ACTN4: variants seen among roughly 807,000 people sequenced by gnomAD.
ACTN4 encodes alpha-actinin-4.
In ACTN4, 18 loss-of-function variants were observed where a neutral mutation model predicts 114.2. The observed-to-expected ratio is 0.16, with a 90% CI of 0.11 to 0.23. The LOEUF is 0.23. Among genes scored for constraint, ACTN4 ranks in the 10% least tolerant of loss-of-function variants. The pLI is 1.00. For synonymous variants in ACTN4, 515 were observed against 506.3 expected, an observed-to-expected ratio of 1.02 and a Z score of -0.23; for missense variants, 722 against 1,262.9, an observed-to-expected ratio of 0.57 and a Z score of 6.49.
rs1379252904 is a variant in ACTN4, at chr19:38,655,498, GTA to G, written c.162+7593_162+7594del. 2.6e-5 allele frequency among the ~76,000 whole-genome samples: 4 copies of G among 151,956 alleles called. No homozygotes were observed. In the East Asian group the frequency reaches 7.7e-4, roughly 29 times the overall value. On this transcript the variant is annotated intron_variant, in intron 1 of 20. Transcript: ENST00000252699. ...ATAACCCTTAAAATTTTCCATGTGT[GTA>G]TGTCACACTTGGGAAAAAAACTTGA...
chr19:38,664,674 A>C (rs1599768877), intron 1 of ACTN4, among the ~76,000 whole-genome samples: 1 of 152,154 alleles, frequency 6.6e-6, no homozygotes, highest in Admixed American at 6.5e-5. Context: ...GGAGCACTGC[A>C]GTGCCATGAA....
chr19:38,708,921 G>A (rs978036985), intron 6 of ACTN4, among the ~76,000 whole-genome samples: 9 of 152,210 alleles, frequency 5.9e-5, no homozygotes, highest in Admixed American at 2.6e-4. Context: ...GAGAGTTGGA[G>A]TGCAGTGGGC....
chr19:38,718,161 G>C, intron 11 of ACTN4, 87 bp downstream of exon 11: 1 of 1,545,900 alleles, frequency 6.5e-7, no homozygotes, highest in East Asian at 2.4e-5. Context: ...TGCACACACA[G>C]CCCCCTGCCA....
At position 38,689,546 on chromosome 19, in the gene ACTN4, A is replaced by G. The variant is rs149220249; in HGVS notation, c.163-11054A>G. 9.2e-5 allele frequency among the ~76,000 whole-genome samples: 14 copies of G among 152,058 alleles called. No individual in the cohort carries two copies. The East Asian group carries it at 2.7e-3, about 29-fold the overall frequency. On this transcript the variant is annotated intron_variant, in intron 1 of 20. Coordinates refer to ENST00000252699, the MANE Select transcript of ACTN4 (RefSeq NM_004924.6). ...ATAAGGTCTCACTGTCGCCCAGGCT[A>G]GAGTGCAGTGGCGCTGTCATAGCTC... is the stretch of plus-strand genomic sequence containing the variant.
At chr19:38,666,553 G>A (rs1966966680) in intron 1 of ACTN4, among the ~76,000 whole-genome samples, 3 of 152,220 alleles carry the variant, frequency 2.0e-5, no homozygotes, top group African/African-American at 7.2e-5. Flanking sequence ...CGTGCCAGGA[G>A]AACACGAAGT....
In ACTN4 at chr19:38,714,341, T is replaced by A. The variant is rs117968873; in HGVS notation, c.820-128T>A. On this transcript the variant is annotated intron_variant, in intron 8 of 20. Transcript: ENST00000252699. ...GGACAGGGCACCATCTCACTGGAGC[T>A]GTGCTTCCTCTCCTTCCCCTCTGTG... 0.041 allele frequency: 33,522 copies of A among 825,662 alleles called. 849 individuals are homozygous for A. The highest frequency in any genetic ancestry group is 0.055 in the Middle Eastern group (177 of 3,192). 51.1% of individuals were successfully genotyped at this position (825,662 alleles called of 1,614,324 possible). A position where few individuals can be genotyped will look rare whatever the true frequency, so the allele number is the denominator to read the frequency against.
chr19:38,672,868 C>T (rs147511884), intron 1 of ACTN4, among the ~76,000 whole-genome samples: 2,163 of 152,104 alleles, frequency 0.014, 59 homozygotes, highest in African/African-American at 0.048. Flanking sequence ...CCACCATGCC[C>T]GGCCCCTGTA....
chr19:38,647,757 C>T lies in ACTN4; in HGVS notation c.12C>T (p.Tyr4=), dbSNP rs1976426801. The T allele has an allele frequency of 6.5e-7, 1 of 1,549,040 alleles. No homozygotes were observed. The highest frequency in any genetic ancestry group is 8.7e-7 in the Non-Finnish European group (1 of 1,149,448). Residue 4 remains tyrosine (Y), a synonymous_variant, in exon 1 of 21, where the codon TAC becomes TAT. Transcript: ENST00000252699. The stretch of plus-strand genomic sequence containing the variant: ...CGAGAGGCGGCGGAATGGTGGACTA[C>T]CACGCGGCGAACCAGTCGTACCAGT... The part of the protein sequence containing the change: MVD[Y]HAANQSYQYG...
chr19:38,672,349 TC>T (rs1967156538), intron 1 of ACTN4, among the ~76,000 whole-genome samples: 1 of 149,608 alleles, frequency 6.7e-6, no homozygotes, highest in Admixed American at 6.7e-5. Flanking sequence ...CAAGCAATTC[TC>T]CTGCCTCAGC....
chr19:38,669,728 A>G (rs1265298706), intron 1 of ACTN4, among the ~76,000 whole-genome samples: 6 of 152,152 alleles, frequency 3.9e-5, no homozygotes, highest in Admixed American at 1.3e-4. Flanking sequence ...TGAGGTTTGC[A>G]CCACTTTTTA....
intron 1 of ACTN4, among the ~76,000 whole-genome samples, chr19:38,652,764 T>A (rs1228360612): frequency 6.6e-6 from 1 of 152,146 alleles, no homozygotes; most frequent in Non-Finnish European, 1.5e-5. Flanking sequence ...GCTATTAAGC[T>A]CTGACACAGT....
chr19:38,694,012 A>C (rs1034381055), intron 1 of ACTN4, among the ~76,000 whole-genome samples: 1 of 152,090 alleles, frequency 6.6e-6, no homozygotes, highest in African/African-American at 2.4e-5. Flanking sequence ...GTGCAGGGGC[A>C]AGCTCTGAAG....
intron 12 of ACTN4, 94 bp from the exon 13 acceptor site, chr19:38,723,520 A>T (rs1399921090): frequency 1.1e-6 from 1 of 906,138 alleles, no homozygotes; most frequent in Admixed American, 2.0e-5. Flanking sequence ...TGACTGCCCC[A>T]ACACCCTGGC....
chr19:38,657,534 T>C (rs1976747755), intron 1 of ACTN4, among the ~76,000 whole-genome samples: 1 of 152,248 alleles, frequency 6.6e-6, no homozygotes, highest in South Asian at 2.1e-4. Context: ...TTTAATATCT[T>C]ACCTCCTGAG....
At chr19:38,714,682 A>G in intron 9 of ACTN4, 121 bp downstream of exon 9, 3 of 1,040,786 alleles carry the variant, frequency 2.9e-6, no homozygotes, top group Non-Finnish European at 4.4e-6. Context: ...CTGCGTGGTC[A>G]CAGACCATGG....
intron 8 of ACTN4, among the ~76,000 whole-genome samples, chr19:38,711,776 C>T (rs1008911532): frequency 6.6e-6 from 1 of 152,244 alleles, no homozygotes; most frequent in Admixed American, 6.5e-5. Context: ...GGGCTTTACC[C>T]GTTTTGCAGC....
chr19:38,695,464 C>T (rs567462176), intron 1 of ACTN4, among the ~76,000 whole-genome samples: 2 of 152,212 alleles, frequency 1.3e-5, no homozygotes. Flanking sequence ...TCTTCTTTGG[C>T]GTGCCGGCAG....
At chr19:38,685,750 C>T (rs140651952) in intron 1 of ACTN4, among the ~76,000 whole-genome samples, 6 of 152,272 alleles carry the variant, frequency 3.9e-5, no homozygotes, top group African/African-American at 1.4e-4. Flanking sequence ...CTGGGATGCC[C>T]ACCCTGAGAC....
intron 1 of ACTN4, among the ~76,000 whole-genome samples, chr19:38,691,002 G>A (rs1967906142): frequency 6.6e-6 from 1 of 152,216 alleles, no homozygotes; most frequent in African/African-American, 2.4e-5. Context: ...ACCAGTCCAG[G>A]CAGTGGGTTC....
Sources: gnomAD v4.1 joint callset for allele counts (sites outside exome capture counted in the v4.1 genomes callset) on GRCh38, gnomAD v4.1.1 for gene constraint, MANE v1.5 for transcripts, NCBI Gene and HGNC (gene_info 2026-07-23, HGNC 2026-07-21) for gene names.